PVT1: variants seen among roughly 807,000 people sequenced by gnomAD.
The protein encoded by PVT1 is CXCR4/PVT1 fusion.
At chr8:128,014,381 T>G (rs1817348486) in intron 4 of PVT1, among the ~76,000 whole-genome samples, 1 of 152,208 alleles carries the variant, frequency 6.6e-6, no homozygotes, top group Non-Finnish European at 1.5e-5. Flanking sequence ...TGGAGCTGCT[T>G]GAGAAGGTCA....
intron 3 of PVT1, among the ~76,000 whole-genome samples, chr8:127,942,494 C>A (rs1260188048): frequency 6.6e-6 from 1 of 152,198 alleles, no homozygotes; most frequent in South Asian, 2.1e-4. Context: ...CTCACCTCTC[C>A]CCCTTGACCT....
chr8:127,812,292 GAA>G (rs1814606990), intron 2 of PVT1, among the ~76,000 whole-genome samples: 1 of 124,594 alleles, frequency 8.0e-6, no homozygotes, highest in African/African-American at 3.7e-5. Context: ...GGAAGGAAGA[GAA>G]TGAAAGGCTG....
At chr8:127,804,773 G>A (rs1814507523) in intron 2 of PVT1, among the ~76,000 whole-genome samples, 1 of 150,084 alleles carries the variant, frequency 6.7e-6, no homozygotes, top group African/African-American at 2.5e-5. Context: ...TGGCCAGGCT[G>A]GTCTTGAACT....
chr8:127,809,052 A>AAAAAAG (rs1554588311), intron 2 of PVT1, among the ~76,000 whole-genome samples: 2,117 of 134,778 alleles, frequency 0.016, 85 homozygotes, highest in East Asian at 0.045. Flanking sequence ...AAAAAAAAAA[A>AAAAAAG]AAAGAAAGAA....
intron 2 of PVT1, among the ~76,000 whole-genome samples, chr8:127,867,444 C>G (rs371521785): frequency 1.3e-5 from 2 of 152,186 alleles, no homozygotes; most frequent in Non-Finnish European, 2.9e-5. Context: ...GGCAGTATCC[C>G]GGGCTTGGCC....
rs563716534 is a variant in PVT1, at chr8:128,094,935, C to T, written n.1115-1583C>T. The stretch of plus-strand genomic sequence containing the variant: ...GAGTTTAAATCCATTGCGTCTTTTG[C>T]GTCTCGTGGTTCCAGATGTGGATGG... On this transcript the variant is annotated intron_variant and non_coding_transcript_variant, in intron 5 of 10. Coordinates refer to ENST00000651587, the Ensembl canonical transcript of PVT1. Among the ~76,000 whole-genome samples, 66 of 152,280 alleles carry T rather than the reference C, an allele frequency of 4.3e-4. 1 individual carries two copies. Among genetic ancestry groups the T allele is most frequent in the African/African-American group, 1.6e-3 (65 of 41,544 alleles).
At chr8:127,848,923 C>T (rs1356198265) in intron 2 of PVT1, among the ~76,000 whole-genome samples, 1 of 152,116 alleles carries the variant, frequency 6.6e-6, no homozygotes, top group Admixed American at 6.5e-5. Context: ...GGACTGAAGC[C>T]CTCCCCAGGG....
intron 4 of PVT1, among the ~76,000 whole-genome samples, chr8:128,056,331 G>T (rs1371335273): frequency 6.6e-6 from 1 of 152,168 alleles, no homozygotes; most frequent in Non-Finnish European, 1.5e-5. Context: ...ATGCGTTCAT[G>T]TATTTACATT....
At chr8:127,945,462 T>C (rs538285778) in intron 3 of PVT1, among the ~76,000 whole-genome samples, 118 of 152,308 alleles carry the variant, frequency 7.7e-4, no homozygotes, top group African/African-American at 2.7e-3. Context: ...GTCAGAATTT[T>C]GCTTTTTGCC....
At chr8:127,826,014 C>CTTTTTTTTTTT (rs57575268) in intron 2 of PVT1, among the ~76,000 whole-genome samples, 2 of 89,666 alleles carry the variant, frequency 2.2e-5, no homozygotes, top group Admixed American at 1.5e-4. Context: ...CCATGCCCAG[C>CTTTTTTTTTTT]TTTTTTTTTT....
intron 4 of PVT1, among the ~76,000 whole-genome samples, chr8:128,036,831 G>A (rs1408230545): frequency 1.3e-5 from 2 of 152,198 alleles, no homozygotes; most frequent in Non-Finnish European, 2.9e-5. Flanking sequence ...GCTCCTGGAG[G>A]ACAGTTGAGC....
At chr8:128,044,097 GC>G (rs1463448394) in intron 4 of PVT1, among the ~76,000 whole-genome samples, 3 of 147,944 alleles carry the variant, frequency 2.0e-5, no homozygotes, top group Non-Finnish European at 3.0e-5. Flanking sequence ...TGATCCTGCT[GC>G]CCAGGCTCCC....
chr8:127,912,174 G>A (rs1171505507), intron 3 of PVT1, among the ~76,000 whole-genome samples: 2 of 152,240 alleles, frequency 1.3e-5, no homozygotes, highest in African/African-American at 4.8e-5. Context: ...TCAGCCCACT[G>A]TGCAGAAATC....
rs531217654 is a variant in PVT1 at position 128,012,949 on chromosome 8, C to G, written n.912+23658C>G. Among the ~76,000 whole-genome samples the G allele has an allele frequency of 2.6e-5, 4 of 152,294 alleles. No individual in the cohort carries two copies. The South Asian group carries it at 8.3e-4, about 32-fold the overall frequency. Reference sequence around the variant, plus strand: ...TCACCAAATTTTTGTTGGTGTGGGGCAGGTTTGCACATTCAGGTTCATGGG... The same window carrying G: ...TCACCAAATTTTTGTTGGTGTGGGGGAGGTTTGCACATTCAGGTTCATGGG... On this transcript the variant is annotated intron_variant and non_coding_transcript_variant, in intron 4 of 10. Coordinates refer to ENST00000651587, the Ensembl canonical transcript of PVT1.
chr8:127,813,032 T>C (rs1176054483), intron 2 of PVT1, among the ~76,000 whole-genome samples: 1 of 151,772 alleles, frequency 6.6e-6, no homozygotes, highest in Non-Finnish European at 1.5e-5. Flanking sequence ...TGTTATCTAG[T>C]ACTACTAATA....
chr8:127,857,673 G>A (rs183445704), intron 2 of PVT1, among the ~76,000 whole-genome samples: 1 of 152,198 alleles, frequency 6.6e-6, no homozygotes, highest in East Asian at 1.9e-4. Flanking sequence ...GAGTGAGACT[G>A]CCTCAAAAAA....
At chr8:128,017,791 A>G (rs1324142226) in intron 4 of PVT1, among the ~76,000 whole-genome samples, 3 of 152,004 alleles carry the variant, frequency 2.0e-5, no homozygotes, top group Non-Finnish European at 1.5e-5. Flanking sequence ...AGCCTCATTT[A>G]TATCGGCAGC....
Position 127,938,131 on chromosome 8 carries a change from GT to G in PVT1, n.782+47139del, listed in dbSNP as rs567965894. Reference sequence around the variant, plus strand: ...GCATAGCCATCTGGAGAATGATACTGTTTTTTCCTAGGGCTGGGATGGGGGT... The same window carrying G: ...GCATAGCCATCTGGAGAATGATACTGTTTTTCCTAGGGCTGGGATGGGGGT... On this transcript the variant is annotated intron_variant and non_coding_transcript_variant, in intron 3 of 10. Coordinates refer to ENST00000651587, the Ensembl canonical transcript of PVT1. 6.5e-4 allele frequency among the ~76,000 whole-genome samples: 99 copies of G among 152,270 alleles called. 1 individual carries two copies. Among genetic ancestry groups the G allele is most frequent in the Non-Finnish European group, 1.1e-3 (76 of 68,018 alleles).
chr8:128,056,441 G>A (rs1813763403), intron 4 of PVT1, among the ~76,000 whole-genome samples: 1 of 152,176 alleles, frequency 6.6e-6, no homozygotes, highest in African/African-American at 2.4e-5. Context: ...TTCATTGCGT[G>A]TATACATAAA....
Sources: gnomAD v4.1 joint callset for allele counts (sites outside exome capture counted in the v4.1 genomes callset) on GRCh38, gnomAD v4.1.1 for gene constraint, MANE v1.5 for transcripts, NCBI Gene and HGNC (gene_info 2026-07-23, HGNC 2026-07-21) for gene names.